FRMD4B: variants seen among roughly 807,000 people sequenced by gnomAD.
The protein encoded by FRMD4B is FERM domain containing 4B.
Under a neutral mutation model 141.5 loss-of-function variants are expected in FRMD4B, and 74 were observed. That is an observed-to-expected ratio of 0.52 (90% CI 0.43 to 0.63). The LOEUF is 0.63. Ranked by LOEUF, FRMD4B falls within the 30% of genes least tolerant of loss-of-function variation. The probability of loss-of-function intolerance (pLI) is 0.00; values close to 1 mark genes in which losing one functional copy is unlikely to be tolerated. For missense variants in FRMD4B, 1,366 were observed against 1,253.4 expected (o/e 1.09, Z -1.36); for synonymous variants, 506 against 467.9 (o/e 1.08, Z -1.05).
chr3:69,248,590 C>T (rs1232380313), intron 7 of FRMD4B, among the ~76,000 whole-genome samples: 1 of 152,160 alleles, frequency 6.6e-6, no homozygotes, highest in African/African-American at 2.4e-5. Context: ...GGGTCATTGG[C>T]CTACAAAGGG....
At chr3:69,232,697 T>G (rs1426653788) in intron 7 of FRMD4B, among the ~76,000 whole-genome samples, 1 of 152,154 alleles carries the variant, frequency 6.6e-6, no homozygotes, top group Non-Finnish European at 1.5e-5. Context: ...TTGTGGCTAA[T>G]TGTGGGCTTG....
chr3:69,283,433 A>C (rs1004065387), intron 5 of FRMD4B, among the ~76,000 whole-genome samples: 1 of 147,724 alleles, frequency 6.8e-6, no homozygotes, highest in African/African-American at 2.5e-5. Context: ...CAACAACAAA[A>C]AAAAAAAAAA....
In FRMD4B at chr3:69,205,936, G is replaced by A. The variant is rs777265745; in HGVS notation, c.877-7162C>T. 2.0e-4 allele frequency among the ~76,000 whole-genome samples: 30 copies of A among 152,100 alleles called. 1 individual carries two copies. Among genetic ancestry groups the A allele is most frequent in the Admixed American group, 1.2e-3 (18 of 15,264 alleles). ...CATATGCAAATGCTACCCACTAGAG[G>A]GGCTTACAATTGACCAGACTAGAAG... On this transcript the variant is annotated intron_variant, in intron 11 of 22. Coordinates refer to ENST00000398540, the MANE Select transcript of FRMD4B (RefSeq NM_015123.3).
chr3:69,239,254 A>C (rs539578132), intron 7 of FRMD4B, among the ~76,000 whole-genome samples: 7 of 152,332 alleles, frequency 4.6e-5, no homozygotes, highest in African/African-American at 1.4e-4. Context: ...CCAAAGATGC[A>C]TCCTGTAGCA....
intron 1 of FRMD4B, among the ~76,000 whole-genome samples, chr3:69,364,758 T>A (rs1196756318): frequency 6.6e-5 from 10 of 152,126 alleles, no homozygotes. Flanking sequence ...AGTTAATAAA[T>A]ATGAATTTAG....
intron 1 of FRMD4B, among the ~76,000 whole-genome samples, chr3:69,335,633 A>T (rs141894347): frequency 1.4e-3 from 216 of 151,978 alleles, no homozygotes; most frequent in African/African-American, 4.5e-3. Flanking sequence ...TGCACTCTTA[A>T]GGAGCCTCTC....
intron 5 of FRMD4B, among the ~76,000 whole-genome samples, chr3:69,253,595 T>G (rs552146289): frequency 6.6e-6 from 1 of 152,304 alleles, no homozygotes; most frequent in South Asian, 2.1e-4. Context: ...TACTTAGGAT[T>G]TAGACATACT....
At position 69,168,968 on chromosome 3, in the gene FRMD4B, G is replaced by A. The variant is rs561537226; in HGVS notation, c.*2893C>T. 1.0e-4 allele frequency among the ~76,000 whole-genome samples: 15 copies of A among 149,096 alleles called. No individual in the cohort carries two copies. Among genetic ancestry groups the A allele is most frequent in the African/African-American group, 3.4e-4 (14 of 40,742 alleles). ...GTAGATCAGTATGTCTTGATACAGA[G>A]GCCCAAGATATATTAGGCAGAAAAC... On this transcript the variant is annotated 3_prime_UTR_variant, in exon 23 of 23. Transcript: ENST00000398540.
intron 1 of FRMD4B, among the ~76,000 whole-genome samples, chr3:69,316,740 T>C (rs1701815086): frequency 6.6e-6 from 1 of 152,242 alleles, no homozygotes; most frequent in African/African-American, 2.4e-5. Flanking sequence ...GATCACACAG[T>C]ATTAATCCAT....
intron 1 of FRMD4B, among the ~76,000 whole-genome samples, chr3:69,361,915 C>G (rs1008719544): frequency 6.6e-6 from 1 of 152,128 alleles, no homozygotes; most frequent in African/African-American, 2.4e-5. Flanking sequence ...GATGAATGTA[C>G]GTTTAACTGC....
At chr3:69,383,286 A>G (rs1704165350) in intron 1 of FRMD4B, among the ~76,000 whole-genome samples, 1 of 152,244 alleles carries the variant, frequency 6.6e-6, no homozygotes, top group East Asian at 1.9e-4. Context: ...AATATTTGAA[A>G]AGCATTAAAA....
At chr3:69,244,161 C>A (rs116417618) in intron 7 of FRMD4B, among the ~76,000 whole-genome samples, 2,727 of 152,128 alleles carry the variant, frequency 0.018, 67 homozygotes, top group African/African-American at 0.061. Flanking sequence ...GAGAAAGTTG[C>A]GGTGCTGATC....
At chr3:69,209,990 G>A (rs1460251567) in intron 11 of FRMD4B, among the ~76,000 whole-genome samples, 1 of 152,166 alleles carries the variant, frequency 6.6e-6, no homozygotes, top group East Asian at 1.9e-4. Context: ...AAATAACCTT[G>A]TAGTTGTATG....
chr3:69,485,607 C>G (rs1706202659), intron 1 of FRMD4B, among the ~76,000 whole-genome samples: 2 of 152,252 alleles, frequency 1.3e-5, no homozygotes, highest in Non-Finnish European at 2.9e-5. Context: ...CCGCTTGTCC[C>G]TGGTTCCCGC....
At chr3:69,399,885 C>T (rs143816882) in intron 2 of FRMD4B, among the ~76,000 whole-genome samples, 12 of 152,262 alleles carry the variant, frequency 7.9e-5, no homozygotes, top group African/African-American at 2.9e-4. Flanking sequence ...TCTTGTGACC[C>T]TTATATTGTC....
At chr3:69,226,441 C>CA (rs2107766385) in intron 7 of FRMD4B, among the ~76,000 whole-genome samples, 1 of 141,646 alleles carries the variant, frequency 7.1e-6, no homozygotes, top group East Asian at 2.1e-4. Flanking sequence ...TTTTTTTTTC[C>CA]AAACCTAAAA....
At chr3:69,174,679 A>G (rs947606952) in intron 22 of FRMD4B, among the ~76,000 whole-genome samples, 1 of 152,194 alleles carries the variant, frequency 6.6e-6, no homozygotes, top group African/African-American at 2.4e-5. Context: ...CAGACTTGGT[A>G]AAAACAGATT....
chr3:69,238,675 C>T (rs146850692), intron 7 of FRMD4B, among the ~76,000 whole-genome samples: 8 of 152,150 alleles, frequency 5.3e-5, no homozygotes, highest in Non-Finnish European at 7.4e-5. Flanking sequence ...CCCAGCTACT[C>T]GGGAGGCTGA....
chr3:69,232,207 G>A (rs2093312582), intron 7 of FRMD4B, among the ~76,000 whole-genome samples: 2 of 152,170 alleles, frequency 1.3e-5, no homozygotes, highest in Non-Finnish European at 2.9e-5. Flanking sequence ...TTTTAAAGAT[G>A]CACTTGACCA....
Sources: allele counts gnomAD v4.1 joint callset (sites outside exome capture counted in the v4.1 genomes callset), GRCh38; gene constraint gnomAD v4.1.1; transcripts MANE v1.5; gene names NCBI Gene and HGNC (gene_info 2026-07-23, HGNC 2026-07-21).